Variants in CRAMP1 observed in about 807,000 individuals in gnomAD.
The protein encoded by CRAMP1 is cramped chromatin regulator 1.
A neutral mutation model predicts 115.4 loss-of-function variants in CRAMP1; 50 were observed. The observed-to-expected ratio is 0.43, with a 90% CI of 0.35 to 0.55. The LOEUF (loss-of-function observed/expected upper bound fraction) is 0.55, where lower values mean the gene tolerates loss of function less well. CRAMP1 is among the 20% of genes least tolerant of loss of function. CRAMP1 has a pLI of 0.01. For synonymous variants in CRAMP1, 866 were observed against 745.4 expected, an observed-to-expected ratio of 1.16 and a Z score of -2.64; for missense variants, 1,679 against 1,721.7, an observed-to-expected ratio of 0.98 and a Z score of 0.44.
At chr16:1,634,757 G>A (rs759686236) in intron 4 of CRAMP1, among the ~76,000 whole-genome samples, 5 of 152,214 alleles carry the variant, frequency 3.3e-5, no homozygotes, top group South Asian at 2.1e-4. Context: ...TGGGGCACCC[G>A]ATGCTGACTT....
At chr16:1,619,126 AGTG>A (rs1360248119) in intron 2 of CRAMP1, among the ~76,000 whole-genome samples, 1 of 152,342 alleles carries the variant, frequency 6.6e-6, no homozygotes, top group Non-Finnish European at 1.5e-5. Flanking sequence ...CGTTGTATAA[AGTG>A]GTGTGTAGAA....
At chr16:1,618,222 C>T (rs1435562904) in intron 2 of CRAMP1, among the ~76,000 whole-genome samples, 1 of 152,192 alleles carries the variant, frequency 6.6e-6, no homozygotes, top group Non-Finnish European at 1.5e-5. Context: ...GCGGAGGTTG[C>T]AGTGAGCCAA....
intron 3 of CRAMP1, among the ~76,000 whole-genome samples, chr16:1,626,867 T>C (rs1486553385): frequency 6.6e-6 from 1 of 152,158 alleles, no homozygotes; most frequent in African/African-American, 2.4e-5. Context: ...TGTAAAAACA[T>C]CATATTGGAG....
intron 11 of CRAMP1, among the ~76,000 whole-genome samples, chr16:1,661,106 G>A (rs1276702239): frequency 2.6e-5 from 4 of 152,098 alleles, no homozygotes; most frequent in African/African-American, 4.8e-5. Flanking sequence ...AAGGCAAGAG[G>A]ATCACTTGAG....
At position 1,650,064 on chromosome 16, in the gene CRAMP1, G is replaced by A. The variant is rs1334492644; in HGVS notation, c.828-2432G>A. 3.3e-5 allele frequency among the ~76,000 whole-genome samples: 5 copies of A among 152,326 alleles called. No homozygotes were observed. In the Middle Eastern group the frequency reaches 0.017, roughly 518 times the overall value. On this transcript the variant is annotated intron_variant, in intron 6 of 20. Coordinates refer to ENST00000397412, the MANE Select transcript of CRAMP1 (RefSeq NM_020825.4). ...CCACCTTGGCCTCCCAAAGTGCTGG[G>A]ATGACAGGCGTGAGCCACCGTGCCC...
Position 1,656,622 on chromosome 16 carries a change from G to T in CRAMP1, c.1865G>T (p.Gly622Val). Residue 622 changes from glycine to valine, a missense_variant, in exon 10 of 21, where the codon GGG (glycine) becomes GTG (valine). Physicochemically the swap from Gly to Val is moderately radical, Grantham distance 109. Around this residue, in one of 8 missense-constraint regions of CRAMP1, gnomAD observed 405 missense variants for 302.6 expected, o/e 1.34. Transcript: ENST00000397412. This position sits in a 1 kb window ranked among gnomAD's most constrained non-coding sequence, Gnocchi z 5.6. ...GGCCCATCCCCGAGGCCCGGCCCCG[G>T]GCTCCTGCTGGATGTTTGCACTAAA... ...PTGPSPRPGP[G>V]LLLDVCTKDL... 6.3e-7 allele frequency: 1 copy of T among 1,576,044 alleles called. No individual in the cohort carries two copies. Among genetic ancestry groups the T allele is most frequent in the Non-Finnish European group, 8.6e-7 (1 of 1,161,878 alleles).
At chr16:1,630,774 G>A (rs1333244507) in intron 3 of CRAMP1, among the ~76,000 whole-genome samples, 1 of 152,236 alleles carries the variant, frequency 6.6e-6, no homozygotes, top group African/African-American at 2.4e-5. Context: ...GAGACTCACA[G>A]CATGTTGGTT....
chr16:1,663,686 G>A (rs998185940), intron 13 of CRAMP1, among the ~76,000 whole-genome samples: 2 of 152,106 alleles, frequency 1.3e-5, no homozygotes, highest in East Asian at 1.9e-4. Context: ...ATCCCAGAAC[G>A]TTACCACCCA....
intron 7 of CRAMP1, 135 bp from the exon 8 acceptor site, chr16:1,652,898 T>C: frequency 1.9e-6 from 2 of 1,076,610 alleles, no homozygotes; most frequent in Non-Finnish European, 2.7e-6. Context: ...TTCGCTGGGG[T>C]TTCTCTGCTC....
At chr16:1,638,051 G>C (rs2036602469) in intron 5 of CRAMP1, 144 bp downstream of exon 5, 2 of 465,542 alleles carry the variant, frequency 4.3e-6, no homozygotes, top group African/African-American at 2.0e-5. Flanking sequence ...TATGATGGCG[G>C]CCGTGCTCTT....
At position 1,614,921 on chromosome 16, in the gene CRAMP1, C is replaced by G; in HGVS notation, c.282C>G (p.Pro94=). ...GCGTGCGGCCGCAGAGCAAGAGGCC[C>G]AGGAAGGATCCTCCGAGCGCTGTGG... is the stretch of plus-strand genomic sequence containing the variant. ...RSSVRPQSKR[P]RKDPPSAVGS... is the part of the protein sequence containing the mutation. Residue 94 remains proline (P), a synonymous_variant, in exon 2 of 21, where the codon CCC becomes CCG. Transcript: ENST00000397412. The surrounding 1 kb of genome is among the most constrained non-coding windows in gnomAD (Gnocchi z 4.4). The G allele has an allele frequency of 7.7e-7, 1 of 1,300,356 alleles. No individual in the cohort carries two copies. The highest frequency in any genetic ancestry group is 9.8e-7 in the Non-Finnish European group (1 of 1,025,316). The allele number at this position is 1,300,356 out of a possible 1,614,324, so 80.6% of individuals were successfully genotyped here.
At chr16:1,634,499 G>T (rs921395877) in intron 4 of CRAMP1, among the ~76,000 whole-genome samples, 8 of 151,568 alleles carry the variant, frequency 5.3e-5, no homozygotes, top group Non-Finnish European at 1.0e-4. Flanking sequence ...TCTCGGTGGG[G>T]GGTCACACCC....
chr16:1,624,500 A>T (rs1022291082), intron 2 of CRAMP1, among the ~76,000 whole-genome samples: 13 of 146,378 alleles, frequency 8.9e-5, no homozygotes, highest in African/African-American at 3.3e-4. Flanking sequence ...TGCAACCTCC[A>T]CTACCTGGGT....
At chr16:1,648,737 T>A (rs2036697444) in intron 6 of CRAMP1, among the ~76,000 whole-genome samples, 1 of 152,006 alleles carries the variant, frequency 6.6e-6, no homozygotes, top group South Asian at 2.1e-4. Context: ...TAGATCTGTG[T>A]ATTTCAGCTG....
At chr16:1,624,656 G>A (rs1330175944) in intron 2 of CRAMP1, among the ~76,000 whole-genome samples, 3 of 152,168 alleles carry the variant, frequency 2.0e-5, no homozygotes, top group African/African-American at 7.2e-5. Flanking sequence ...TCGGCTCACT[G>A]CAACCACTGC....
intron 10 of CRAMP1, among the ~76,000 whole-genome samples, chr16:1,659,672 C>T (rs1002523900): frequency 3.3e-5 from 5 of 152,252 alleles, no homozygotes; most frequent in African/African-American, 4.8e-5. Flanking sequence ...CAGGCGTGAG[C>T]CACCGCACCT....
At chr16:1,625,303 C>T (rs773725232) in intron 2 of CRAMP1, among the ~76,000 whole-genome samples, 2 of 152,100 alleles carry the variant, frequency 1.3e-5, no homozygotes, top group East Asian at 3.9e-4. Context: ...GAAGCCTCCT[C>T]GGGGTCGTCT....
chr16:1,660,727 C>T (rs2142202487), intron 11 of CRAMP1, among the ~76,000 whole-genome samples: 1 of 152,344 alleles, frequency 6.6e-6, no homozygotes, highest in South Asian at 2.1e-4. Flanking sequence ...GAGTTTTAGA[C>T]TGGGCACAGT....
intron 6 of CRAMP1, among the ~76,000 whole-genome samples, chr16:1,647,806 G>A (rs866330813): frequency 1.5e-4 from 22 of 146,722 alleles, no homozygotes; most frequent in African/African-American, 5.5e-4. Flanking sequence ...TAGAGCCTCT[G>A]TTTGAGGGCT....
Sources: allele counts gnomAD v4.1 joint callset (sites outside exome capture counted in the v4.1 genomes callset), GRCh38; gene constraint gnomAD v4.1.1; regional missense constraint gnomAD v4.1.1; non-coding constraint Gnocchi (gnomAD v3.1); transcripts MANE v1.5; gene names NCBI Gene and HGNC (gene_info 2026-07-23, HGNC 2026-07-21).